NPTN: variants seen among roughly 807,000 people sequenced by gnomAD.
The protein encoded by NPTN is neuroplastin.
A neutral mutation model predicts 42.7 loss-of-function variants in NPTN; 5 were observed. The ratio of observed to expected loss-of-function variants is 0.12; its 90% confidence interval spans 0.06 to 0.25. NPTN has a LOEUF of 0.25. NPTN is among the 10% of genes least tolerant of loss of function. The probability of loss-of-function intolerance (pLI) is 1.00; values close to 1 mark genes in which losing one functional copy is unlikely to be tolerated. For missense variants in NPTN, 307 were observed against 525.4 expected, an observed-to-expected ratio of 0.58 and a Z score of 4.06; for synonymous variants, 180 against 201.9, an observed-to-expected ratio of 0.89 and a Z score of 0.92.
chr15:73,600,523 T>C (rs1388055170), intron 1 of NPTN, among the ~76,000 whole-genome samples: 3 of 152,328 alleles, frequency 2.0e-5, no homozygotes, highest in East Asian at 3.8e-4. Flanking sequence ...AAAAGTTAAA[T>C]ATTTTGCCCA....
intron 1 of NPTN, among the ~76,000 whole-genome samples, chr15:73,618,356 A>G (rs1897963626): frequency 6.6e-6 from 1 of 152,202 alleles, no homozygotes; most frequent in Non-Finnish European, 1.5e-5. Flanking sequence ...CCCACTCACA[A>G]TATGGAAACA....
chr15:73,622,966 C>G (rs886732264), intron 1 of NPTN, among the ~76,000 whole-genome samples: 1 of 152,202 alleles, frequency 6.6e-6, no homozygotes, highest in Admixed American at 6.5e-5. Context: ...ATTACAGCAC[C>G]AGCTCCCACT....
At chr15:73,574,998 T>C (rs1895608954) in intron 4 of NPTN, among the ~76,000 whole-genome samples, 1 of 152,262 alleles carries the variant, frequency 6.6e-6, no homozygotes, top group Non-Finnish European at 1.5e-5. Context: ...AGTAATTTTT[T>C]TGGAGACAGA....
At chr15:73,592,596 C>T (rs940010637) in intron 2 of NPTN, among the ~76,000 whole-genome samples, 2 of 152,154 alleles carry the variant, frequency 1.3e-5, no homozygotes, top group African/African-American at 4.8e-5. Context: ...ACATGTATAG[C>T]TTTCCCCACA....
At chr15:73,622,499 TAA>T (rs751330130) in intron 1 of NPTN, among the ~76,000 whole-genome samples, 15 of 123,628 alleles carry the variant, frequency 1.2e-4, no homozygotes, top group Admixed American at 1.6e-4. Context: ...AGAATTGTTT[TAA>T]AAAAAAAAAA....
rs905182166 is a variant in NPTN at position 73,628,740 on chromosome 15, A to G, written c.91+4385T>C. Among the ~76,000 whole-genome samples the G allele has an allele frequency of 8.5e-5, 13 of 152,226 alleles. No individual in the cohort carries two copies. In the South Asian group the frequency reaches 2.3e-3, roughly 27 times the overall value. On this transcript the variant is annotated intron_variant, in intron 1 of 8. Coordinates refer to ENST00000345330, the MANE Select transcript of NPTN (RefSeq NM_012428.4). Reference sequence around the variant, plus strand: ...TTTGGTCATCTTTCAAGGCCCAATTAAATCTTTTTTTAATTTAAATAATTA... The same window carrying G: ...TTTGGTCATCTTTCAAGGCCCAATTGAATCTTTTTTTAATTTAAATAATTA...
At chr15:73,631,352 C>T (rs1395805108) in intron 1 of NPTN, among the ~76,000 whole-genome samples, 2 of 152,126 alleles carry the variant, frequency 1.3e-5, no homozygotes, top group Non-Finnish European at 2.9e-5. Context: ...TGGACTCATG[C>T]TTAGAGGAAA....
At chr15:73,585,537 T>C (rs1595919460) in intron 4 of NPTN, among the ~76,000 whole-genome samples, 1 of 152,342 alleles carries the variant, frequency 6.6e-6, no homozygotes, top group East Asian at 1.9e-4. Context: ...GAAGTGTTCA[T>C]AGTCTTTACC....
At chr15:73,611,403 CAAAACAAAACA>C (rs1247958788) in intron 1 of NPTN, among the ~76,000 whole-genome samples, 2 of 151,858 alleles carry the variant, frequency 1.3e-5, no homozygotes, top group African/African-American at 4.8e-5. Flanking sequence ...AAAAACAAAA[CAAAACAAAACA>C]AAAACAAAAC....
chr15:73,618,766 A>G (rs1897982580), intron 1 of NPTN, among the ~76,000 whole-genome samples: 1 of 152,118 alleles, frequency 6.6e-6, no homozygotes, highest in Non-Finnish European at 1.5e-5. Flanking sequence ...AGCCCAGACA[A>G]TGGAGGCTGC....
At chr15:73,619,920 T>C (rs1336163302) in intron 1 of NPTN, among the ~76,000 whole-genome samples, 1 of 152,214 alleles carries the variant, frequency 6.6e-6, no homozygotes, top group Non-Finnish European at 1.5e-5. Context: ...TACTGGGCAT[T>C]GTATATATGC....
intron 6 of NPTN, chr15:73,568,971 T>C: frequency 1.0e-6 from 1 of 985,574 alleles, no homozygotes; most frequent in Non-Finnish European, 1.2e-6. Context: ...ACATTCTTTC[T>C]GAGGGAGCAC....
chr15:73,618,818 G>C (rs1160542480), intron 1 of NPTN, among the ~76,000 whole-genome samples: 1 of 152,006 alleles, frequency 6.6e-6, no homozygotes, highest in East Asian at 1.9e-4. Flanking sequence ...CTGGATGAAA[G>C]AGCAAGATCC....
chr15:73,584,535 T>C (rs982854432), intron 4 of NPTN, among the ~76,000 whole-genome samples: 5 of 152,102 alleles, frequency 3.3e-5, no homozygotes, highest in African/African-American at 1.2e-4. Flanking sequence ...CCACAGCCTC[T>C]GAAGAGTCAC....
intron 1 of NPTN, among the ~76,000 whole-genome samples, chr15:73,605,111 G>GAAA (rs386785324): frequency 7.1e-6 from 1 of 140,500 alleles, no homozygotes; most frequent in African/African-American, 2.9e-5. Flanking sequence ...GGGGGGGGGG[G>GAAA]AAAAGAATGA....
Position 73,605,107 on chromosome 15 carries a change from G to T in NPTN, c.92-7738C>A, listed in dbSNP as rs898706316. Among the ~76,000 whole-genome samples, 6 of 145,450 alleles carry T rather than the reference G, an allele frequency of 4.1e-5. 1 individual carries two copies. Among genetic ancestry groups the T allele is most frequent in the South Asian group, 2.2e-4 (1 of 4,552 alleles). ...GTAGAGACCCTGTCTCAAGGGGGGG[G>T]GGGGAAAAGAATGATCTAAACTAGT... On this transcript the variant is annotated intron_variant, in intron 1 of 8. Transcript: ENST00000345330.
In NPTN at chr15:73,633,287, G is replaced by A. The variant is rs1898870254; in HGVS notation, c.-72C>T. 2.8e-6 allele frequency: 3 copies of A among 1,064,586 alleles called. No individual in the cohort carries two copies. Among genetic ancestry groups the A allele is most frequent in the Middle Eastern group, 2.5e-4 (1 of 4,048 alleles). 65.9% of individuals were successfully genotyped at this position (1,064,586 alleles called of 1,614,324 possible). A position where few individuals can be genotyped will look rare whatever the true frequency, so the allele number is the denominator to read the frequency against. The stretch of plus-strand genomic sequence containing the variant: ...GGGGCCGGGGAAGGGAGGGGAGGGA[G>A]GGAGGGGGCGGGCGAGTGCGCGAGG... On this transcript the variant is annotated 5_prime_UTR_variant, in exon 1 of 9. Transcript: ENST00000345330.
At chr15:73,591,812 A>T (rs1286186887) in intron 3 of NPTN, 154 bp downstream of exon 3, 1 of 630,096 alleles carries the variant, frequency 1.6e-6, no homozygotes, top group East Asian at 2.7e-5. Flanking sequence ...TTTCTAGACT[A>T]CTGGGCCTTA....
In NPTN at chr15:73,569,368, G is replaced by A; in HGVS notation, c.1114+782C>T. 2.0e-6 allele frequency: 2 copies of A among 985,508 alleles called. No individual in the cohort carries two copies. The highest frequency in any genetic ancestry group is 1.7e-5 in the African/African-American group (1 of 57,362). The allele number at this position is 985,508 out of a possible 1,614,324, so 61.0% of individuals were successfully genotyped here. A position where few individuals can be genotyped will look rare whatever the true frequency, so the allele number is the denominator to read the frequency against. ...CCAATAACCTAAGATTTCAGCTCTT[G>A]CTCTTTCCAGTGCTCAGTGGTGTGC... On this transcript the variant is annotated intron_variant, in intron 6 of 8. Coordinates refer to ENST00000345330, the MANE Select transcript of NPTN (RefSeq NM_012428.4). The surrounding 1 kb of genome is among the most constrained non-coding windows in gnomAD (Gnocchi z 4.1).
Sources: allele counts gnomAD v4.1 joint callset (sites outside exome capture counted in the v4.1 genomes callset), GRCh38; gene constraint gnomAD v4.1.1; non-coding constraint Gnocchi (gnomAD v3.1); transcripts MANE v1.5; gene names NCBI Gene and HGNC (gene_info 2026-07-23, HGNC 2026-07-21).